CEP57: variants seen among roughly 807,000 people sequenced by gnomAD.
CEP57 encodes the protein centrosomal protein 57.
In CEP57, 40 loss-of-function variants were observed where a neutral mutation model predicts 68.0. The ratio of observed to expected loss-of-function variants is 0.59; its 90% CI spans 0.46 to 0.77. The LOEUF is 0.77. CEP57 is among the 30% of genes least tolerant of loss of function. The probability of loss-of-function intolerance (pLI) is 0.00; values close to 1 mark genes in which losing one functional copy is unlikely to be tolerated. For synonymous variants in CEP57, 219 were observed against 198.7 expected, an observed-to-expected ratio of 1.10 and a Z score of -0.86; for missense variants, 606 against 580.7, an observed-to-expected ratio of 1.04 and a Z score of -0.45.
chr11:95,831,898 T>C lies in CEP57; in HGVS notation c.*642T>C, dbSNP rs868401038. 1.7e-4 allele frequency: 26 copies of C among 152,154 alleles called. No individual in the cohort carries two copies. The highest frequency in any genetic ancestry group is 6.3e-4 in the African/African-American group (26 of 41,442). 9.4% of individuals were successfully genotyped at this position (152,154 alleles called of 1,614,324 possible). ...CATTTTGAGTTATATCTATAAAAAT[T>C]ATAAAAGGATTTTTGAAAGTATAAA... On this transcript the variant is annotated 3_prime_UTR_variant, in exon 11 of 11. Coordinates refer to ENST00000325542, the MANE Select transcript of CEP57 (RefSeq NM_014679.5).
intron 1 of CEP57, among the ~76,000 whole-genome samples, chr11:95,792,269 G>A (rs1046661649): frequency 6.6e-6 from 1 of 152,226 alleles, no homozygotes. Flanking sequence ...TTAAACTTGG[G>A]AGAAGAGGGC....
chr11:95,805,173 A>T (rs1438218933), intron 2 of CEP57, among the ~76,000 whole-genome samples: 1 of 152,244 alleles, frequency 6.6e-6, no homozygotes, highest in Admixed American at 6.5e-5. Context: ...TTGATATTAC[A>T]AAGTCTTTAG....
At chr11:95,821,225 A>G (rs1049187763) in intron 6 of CEP57, among the ~76,000 whole-genome samples, 1 of 152,138 alleles carries the variant, frequency 6.6e-6, no homozygotes, top group Non-Finnish European at 1.5e-5. Context: ...TTGTTTTTTT[A>G]AAAAGGAAAG....
chr11:95,828,209 T>C (rs1862837331), intron 9 of CEP57, among the ~76,000 whole-genome samples, 182 bp downstream of exon 9: 2 of 152,212 alleles, frequency 1.3e-5, no homozygotes, highest in Admixed American at 1.3e-4. Flanking sequence ...ATCTCTCTCT[T>C]TTTAAATACT....
intron 8 of CEP57, chr11:95,826,843 T>C (rs1447018965): frequency 6.6e-6 from 1 of 152,238 alleles, no homozygotes; most frequent in East Asian, 1.9e-4. Flanking sequence ...CAGCCTTGCA[T>C]TGATGTAATA....
At chr11:95,798,183 T>C (rs1230979143) in intron 1 of CEP57, among the ~76,000 whole-genome samples, 1 of 152,232 alleles carries the variant, frequency 6.6e-6, no homozygotes, top group Non-Finnish European at 1.5e-5. Flanking sequence ...GTCCCCACTT[T>C]TGATTGTCAT....
chr11:95,809,750 C>A (rs186459393), intron 2 of CEP57, among the ~76,000 whole-genome samples: 155 of 152,278 alleles, frequency 1.0e-3, no homozygotes, highest in Non-Finnish European at 1.6e-3. Context: ...GACGGATTCA[C>A]AGCCAAATTC....
intron 1 of CEP57, among the ~76,000 whole-genome samples, chr11:95,794,671 CTT>C (rs1473286775): frequency 6.6e-6 from 1 of 151,998 alleles, no homozygotes; most frequent in Non-Finnish European, 1.5e-5. Flanking sequence ...TCTTTGATAT[CTT>C]TCGATTAATA....
chr11:95,808,944 A>G (rs1248261914), intron 2 of CEP57, among the ~76,000 whole-genome samples: 2 of 152,236 alleles, frequency 1.3e-5, no homozygotes, highest in African/African-American at 4.8e-5. Flanking sequence ...AACTGACCAC[A>G]TAGTTGGAAG....
Position 95,799,249 on chromosome 11 carries a change from A to T in CEP57, c.63A>T (p.Pro21=). 2 of 1,614,146 alleles carry T rather than the reference A, an allele frequency of 1.2e-6. No individual in the cohort carries two copies. Among genetic ancestry groups the T allele is most frequent in the Non-Finnish European group, 1.7e-6 (2 of 1,180,004 alleles). The change falls in exon 2 of 11, where the codon CCA becomes CCT. Residue 21 remains proline (P), a synonymous_variant. Transcript: ENST00000325542. ...GSHLSNSFAE[P]SRSNGSMVRH... ...TTTTTTAGAACAGCTTTGCTGAGCC[A>T]TCAAGGTCTAATGGAAGCATGGTTC...
chr11:95,821,019 C>T (rs1366228480), intron 6 of CEP57, among the ~76,000 whole-genome samples: 2 of 152,150 alleles, frequency 1.3e-5, no homozygotes, highest in African/African-American at 4.8e-5. Context: ...TTTGTTCTAG[C>T]TCCATTATAA....
chr11:95,802,286 A>G (rs1310621633), intron 2 of CEP57, among the ~76,000 whole-genome samples: 2 of 142,726 alleles, frequency 1.4e-5, no homozygotes, highest in Non-Finnish European at 3.0e-5. Context: ...AGACAGTCTC[A>G]CTCTGTCACC....
chr11:95,821,492 C>T (rs1862516408), intron 6 of CEP57, among the ~76,000 whole-genome samples: 2 of 151,968 alleles, frequency 1.3e-5, no homozygotes, highest in Non-Finnish European at 2.9e-5. Context: ...TTCTGCTCTT[C>T]GGCTGTTTTG....
chr11:95,793,479 A>G (rs1242966431), intron 1 of CEP57, among the ~76,000 whole-genome samples: 9 of 152,246 alleles, frequency 5.9e-5, no homozygotes, highest in African/African-American at 2.2e-4. Context: ...TTTTATGGCT[A>G]TCATACATTT....
intron 1 of CEP57, among the ~76,000 whole-genome samples, chr11:95,798,158 C>A (rs765424093): frequency 2.0e-5 from 3 of 152,112 alleles, no homozygotes; most frequent in African/African-American, 4.8e-5. Context: ...TTGGCCCTAC[C>A]CTCCTAAGCT....
chr11:95,809,782 C>T (rs1861970510), intron 2 of CEP57, among the ~76,000 whole-genome samples: 1 of 152,190 alleles, frequency 6.6e-6, no homozygotes, highest in Non-Finnish European at 1.5e-5. Context: ...CAAAGAGGAG[C>T]TGGTACCATT....
intron 4 of CEP57, 148 bp downstream of exon 4, chr11:95,813,737 T>C (rs1490601690): frequency 2.4e-6 from 2 of 842,802 alleles, no homozygotes; most frequent in East Asian, 2.7e-5. Flanking sequence ...AATCTAAATA[T>C]GTGATTGGCT....
In CEP57 at chr11:95,832,109, G is replaced by A. The variant is rs1375747530; in HGVS notation, c.*853G>A. 6.6e-6 allele frequency: 1 copy of A among 152,058 alleles called. No homozygotes were observed. Among genetic ancestry groups the A allele is most frequent in the South Asian group, 2.1e-4 (1 of 4,834 alleles). The allele number at this position is 152,058 out of a possible 1,614,324, so 9.4% of individuals were successfully genotyped here. On this transcript the variant is annotated 3_prime_UTR_variant, in exon 11 of 11. Transcript: ENST00000325542. The stretch of plus-strand genomic sequence containing the variant: ...GAATATTTGCTTTTACTGGTGTACA[G>A]TATGAGTGGAATATAAACTGTACAC...
chr11:95,827,320 T>C (rs1862786138), intron 8 of CEP57: 2 of 170,764 alleles, frequency 1.2e-5, no homozygotes, highest in South Asian at 2.8e-4. Flanking sequence ...GTAAAAGCAA[T>C]TAAAATATGA....
Sources: allele counts gnomAD v4.1 joint callset (sites outside exome capture counted in the v4.1 genomes callset), GRCh38; gene constraint gnomAD v4.1.1; transcripts MANE v1.5; gene names NCBI Gene and HGNC (gene_info 2026-07-23, HGNC 2026-07-21).